RAB3C: variants seen among roughly 807,000 people sequenced by gnomAD.
RAB3C encodes the protein RAB3C, member RAS oncogene family, also known as ras-related protein Rab-3C.
A neutral mutation model predicts 26.4 loss-of-function variants in RAB3C; 17 were observed. The ratio of observed to expected loss-of-function variants is 0.64; its 90% CI spans 0.44 to 0.97. The LOEUF (loss-of-function observed/expected upper bound fraction) is 0.97, where lower values mean the gene tolerates loss of function less well. RAB3C is among the 50% of genes least tolerant of loss of function. RAB3C has a pLI of 0.00. For synonymous variants in RAB3C, 91 were observed against 95.9 expected (o/e 0.95, Z 0.30); for missense variants, 242 against 281.9 (o/e 0.86, Z 1.01).
chr5:58,789,748 C>T (rs1742478026), intron 3 of RAB3C, among the ~76,000 whole-genome samples: 1 of 152,102 alleles, frequency 6.6e-6, no homozygotes, highest in Non-Finnish European at 1.5e-5. Flanking sequence ...AGAAAAGGAA[C>T]ATACAAATAA....
chr5:58,618,398 C>T (rs1746869059), intron 2 of RAB3C, among the ~76,000 whole-genome samples: 1 of 152,156 alleles, frequency 6.6e-6, no homozygotes, highest in African/African-American at 2.4e-5. Context: ...ACTGTGCAAA[C>T]TGTTTTCAAC....
At chr5:58,800,692 C>T (rs78686890) in intron 3 of RAB3C, among the ~76,000 whole-genome samples, 1 of 151,934 alleles carries the variant, frequency 6.6e-6, no homozygotes, top group Non-Finnish European at 1.5e-5. Context: ...GGGGGACTGT[C>T]GACATTCTTC....
intron 3 of RAB3C, among the ~76,000 whole-genome samples, chr5:58,804,583 G>A (rs1453295849): frequency 6.6e-6 from 1 of 152,084 alleles, no homozygotes; most frequent in African/African-American, 2.4e-5. Context: ...TGCAATACAG[G>A]CAAGTTTAGG....
intron 1 of RAB3C, among the ~76,000 whole-genome samples, chr5:58,589,476 A>T (rs971733977): frequency 6.6e-6 from 1 of 152,322 alleles, no homozygotes; most frequent in Non-Finnish European, 1.5e-5. Context: ...GTTGCATAAG[A>T]TTAGCATAGT....
At chr5:58,783,383 G>A (rs575964886) in intron 3 of RAB3C, among the ~76,000 whole-genome samples, 6 of 152,104 alleles carry the variant, frequency 3.9e-5, no homozygotes, top group Non-Finnish European at 8.8e-5. Flanking sequence ...TGAAGTGCAG[G>A]AATAAAGACA....
chr5:58,588,499 A>G lies in RAB3C; in HGVS notation c.24+5267A>G, dbSNP rs569496300. Among the ~76,000 whole-genome samples, 27 of 152,310 alleles carry G rather than the reference A, an allele frequency of 1.8e-4. 1 individual carries two copies. The highest frequency in any genetic ancestry group is 5.1e-4 in the African/African-American group (21 of 41,572). The stretch of plus-strand genomic sequence containing the variant: ...TTTTATGTGCTTATTGGCCACTTAT[A>G]TATCTTCCCTTGTGAATCATGGGTT... On this transcript the variant is annotated intron_variant, in intron 1 of 4. Transcript: ENST00000282878.
chr5:58,695,354 C>T (rs193274065), intron 2 of RAB3C, among the ~76,000 whole-genome samples: 6 of 152,156 alleles, frequency 3.9e-5, no homozygotes, highest in African/African-American at 7.2e-5. Context: ...AGTCAGGTAG[C>T]GTGATGCCTC....
At chr5:58,600,352 AT>A (rs566448442) in intron 1 of RAB3C, among the ~76,000 whole-genome samples, 8 of 151,114 alleles carry the variant, frequency 5.3e-5, no homozygotes, top group African/African-American at 1.2e-4. Context: ...GAATTTTAGA[AT>A]TTTTTTTTCT....
intron 2 of RAB3C, among the ~76,000 whole-genome samples, chr5:58,635,470 A>T (rs1046971722): frequency 1.3e-5 from 2 of 152,256 alleles, no homozygotes; most frequent in African/African-American, 4.8e-5. Flanking sequence ...GTCATCTGGC[A>T]CACAGAATAG....
chr5:58,754,885 C>CT (rs5868129), intron 3 of RAB3C, among the ~76,000 whole-genome samples: 55,564 of 149,442 alleles, frequency 0.37, 10,607 homozygotes, highest in South Asian at 0.42. Flanking sequence ...CCTTATTCTC[C>CT]TTTTTTTTTT....
chr5:58,710,832 C>G (rs981302908), intron 2 of RAB3C, among the ~76,000 whole-genome samples: 1 of 152,096 alleles, frequency 6.6e-6, no homozygotes, highest in African/African-American at 2.4e-5. Context: ...TTCTAGTTCT[C>G]TAGCATCTGA....
At chr5:58,846,569 G>A (rs1744010860) in intron 4 of RAB3C, among the ~76,000 whole-genome samples, 1 of 152,052 alleles carries the variant, frequency 6.6e-6, no homozygotes, top group Non-Finnish European at 1.5e-5. Flanking sequence ...TGTAGAGGTG[G>A]CGTCTTACTA....
In RAB3C at chr5:58,617,851, G is replaced by C; in HGVS notation, c.233G>C (p.Arg78Thr). 4 of 1,610,216 alleles carry C rather than the reference G, an allele frequency of 2.5e-6. No homozygotes were observed. The highest frequency in any genetic ancestry group is 3.4e-6 in the Non-Finnish European group (4 of 1,177,314). Residue 78 changes from arginine to threonine, a missense_variant, in exon 2 of 5, where the codon AGA (arginine) becomes ACA (threonine). Arg to Thr is a moderately conservative substitution (Grantham distance 71, BLOSUM62 -1). Coordinates refer to ENST00000282878, the MANE Select transcript of RAB3C (RefSeq NM_138453.4). Reference protein sequence around the residue: ...KVKTVFKNEKRIKLQIWDTAG... With the variant: ...KVKTVFKNEKTIKLQIWDTAG... ...AAAACTGTATTCAAAAATGAAAAGA[G>C]AATCAAGCTTCAGATTTGGGTAAGT...
intron 2 of RAB3C, among the ~76,000 whole-genome samples, chr5:58,670,081 C>T (rs1055277370): frequency 5.3e-5 from 8 of 152,024 alleles, no homozygotes. Flanking sequence ...CTGAGAATTG[C>T]CTGTATTTGA....
At chr5:58,779,133 G>T (rs1428655361) in intron 3 of RAB3C, among the ~76,000 whole-genome samples, 1 of 151,894 alleles carries the variant, frequency 6.6e-6, no homozygotes, top group Non-Finnish European at 1.5e-5. Flanking sequence ...CATAATGTCA[G>T]CCTCAAAAAG....
chr5:58,590,299 G>C (rs1746101291), intron 1 of RAB3C, among the ~76,000 whole-genome samples: 1 of 152,086 alleles, frequency 6.6e-6, no homozygotes, highest in Non-Finnish European at 1.5e-5. Context: ...AGGATCTGTA[G>C]TGATATCCCC....
intron 3 of RAB3C, among the ~76,000 whole-genome samples, chr5:58,801,269 C>G (rs1742803107): frequency 6.6e-6 from 1 of 152,208 alleles, no homozygotes. Context: ...CTCTACAGTC[C>G]TGAGCAAGGC....
At chr5:58,747,369 G>A (rs1741423004) in intron 3 of RAB3C, among the ~76,000 whole-genome samples, 1 of 152,114 alleles carries the variant, frequency 6.6e-6, no homozygotes, top group Non-Finnish European at 1.5e-5. Flanking sequence ...AAATTCAGAT[G>A]TAATACTGAG....
At chr5:58,712,587 C>T (rs537837289) in intron 2 of RAB3C, among the ~76,000 whole-genome samples, 8 of 152,202 alleles carry the variant, frequency 5.3e-5, no homozygotes, top group Admixed American at 2.0e-4. Context: ...TTCAGTGGAG[C>T]GATCTTGGCT....
Sources: gnomAD v4.1 joint callset for allele counts (sites outside exome capture counted in the v4.1 genomes callset) on GRCh38, gnomAD v4.1.1 for gene constraint, MANE v1.5 for transcripts, NCBI Gene and HGNC (gene_info 2026-07-23, HGNC 2026-07-21) for gene names.